The following CDH13 variants were observed in gnomAD, a reference collection of about 807,000 sequenced individuals.
CDH13 encodes the protein cadherin-13.
Under a neutral mutation model 63.8 loss-of-function variants are expected in CDH13, and 24 were observed. That is an observed-to-expected ratio of 0.38 (90% CI 0.27 to 0.53). CDH13 has a LOEUF of 0.53. Ranked by LOEUF, CDH13 falls within the 20% of genes least tolerant of loss-of-function variation. CDH13 has a pLI of 0.85. For missense variants in CDH13, 1,049 were observed against 903.1 expected, an observed-to-expected ratio of 1.16 and a Z score of -2.07; for synonymous variants, 503 against 355.3, an observed-to-expected ratio of 1.42 and a Z score of -4.67.
chr16:83,685,823 G>A (rs988333821), intron 10 of CDH13, among the ~76,000 whole-genome samples: 6 of 152,130 alleles, frequency 3.9e-5, no homozygotes, highest in Admixed American at 3.3e-4. Context: ...CCCTGCTTTC[G>A]TCCTGCCTGT....
intron 9 of CDH13, among the ~76,000 whole-genome samples, chr16:83,675,734 A>G (rs1914899232): frequency 6.6e-6 from 1 of 152,226 alleles, no homozygotes; most frequent in Admixed American, 6.5e-5. Context: ...ATGATGCATC[A>G]GGGCCAGGAC....
At chr16:83,367,893 A>T (rs953412946) in intron 6 of CDH13, among the ~76,000 whole-genome samples, 1 of 152,192 alleles carries the variant, frequency 6.6e-6, no homozygotes, top group Non-Finnish European at 1.5e-5. Context: ...TCAGCTTAAC[A>T]ATATTGAGTC....
At chr16:83,193,471 C>A (rs2038786914) in intron 4 of CDH13, among the ~76,000 whole-genome samples, 1 of 152,188 alleles carries the variant, frequency 6.6e-6, no homozygotes. Context: ...ATGGGGGTTA[C>A]AGACTCCGTT....
chr16:82,643,469 G>A (rs1168496099), intron 1 of CDH13, among the ~76,000 whole-genome samples: 1 of 152,200 alleles, frequency 6.6e-6, no homozygotes, highest in Non-Finnish European at 1.5e-5. Flanking sequence ...GTAGTTTCAG[G>A]ATTAAGACCC....
At chr16:83,674,166 C>G (rs1914757167) in intron 9 of CDH13, among the ~76,000 whole-genome samples, 1 of 152,176 alleles carries the variant, frequency 6.6e-6, no homozygotes, top group African/African-American at 2.4e-5. Flanking sequence ...GAATGTTAGA[C>G]TAATAGTGGC....
At chr16:83,481,572 A>T (rs1480584339) in intron 6 of CDH13, among the ~76,000 whole-genome samples, 2 of 152,180 alleles carry the variant, frequency 1.3e-5, no homozygotes, top group Non-Finnish European at 2.9e-5. Flanking sequence ...CTACCTGGCC[A>T]CAAGGAAGCG....
chr16:83,375,875 T>A (rs967383907), intron 6 of CDH13, among the ~76,000 whole-genome samples: 3 of 151,042 alleles, frequency 2.0e-5, no homozygotes, highest in Non-Finnish European at 1.5e-5. Flanking sequence ...TGGCAGGGAG[T>A]AGAAAGGGCT....
intron 4 of CDH13, among the ~76,000 whole-genome samples, chr16:83,131,495 C>T (rs1283820323): frequency 6.6e-6 from 1 of 152,054 alleles, no homozygotes; most frequent in Non-Finnish European, 1.5e-5. Context: ...ATGACTATTT[C>T]AAAATTTGGG....
chr16:83,309,016 A>T (rs896813281), intron 5 of CDH13, among the ~76,000 whole-genome samples: 1 of 152,126 alleles, frequency 6.6e-6, no homozygotes, highest in African/African-American at 2.4e-5. Flanking sequence ...GTCCTAAATC[A>T]TTCCCTTGTC....
intron 10 of CDH13, among the ~76,000 whole-genome samples, chr16:83,729,486 C>T (rs570942715): frequency 7.9e-5 from 12 of 152,098 alleles, no homozygotes; most frequent in African/African-American, 2.9e-4. Context: ...GATGTAAATC[C>T]CACTAGCCAG....
chr16:83,074,145 C>T (rs1044502339), intron 3 of CDH13, among the ~76,000 whole-genome samples: 3 of 152,308 alleles, frequency 2.0e-5, no homozygotes, highest in African/African-American at 7.2e-5. Flanking sequence ...CCCTCCCAGA[C>T]CGACAAACAT....
rs76485591 is a variant in CDH13, at chr16:82,672,573, C to T, written c.45+45436C>T. Among the ~76,000 whole-genome samples the T allele has an allele frequency of 4.4e-3, 676 of 152,170 alleles. 7 individuals are homozygous for T. The highest frequency in any genetic ancestry group is 0.015 in the African/African-American group (633 of 41,508). On this transcript the variant is annotated intron_variant, in intron 1 of 13. Transcript: ENST00000567109. The stretch of plus-strand genomic sequence containing the variant: ...TCCACTCTTCTCTGATCCTTTCGCA[C>T]CATATCATCCCCTACTGCTTCCCCA...
At chr16:83,146,338 A>G (rs1001246818) in intron 4 of CDH13, among the ~76,000 whole-genome samples, 4 of 152,366 alleles carry the variant, frequency 2.6e-5, no homozygotes, top group African/African-American at 7.2e-5. Context: ...CTCCATCACC[A>G]TGGCTTATGC....
intron 2 of CDH13, chr16:82,953,327 A>G (rs1277007654): frequency 6.6e-6 from 1 of 152,232 alleles, no homozygotes; most frequent in Non-Finnish European, 1.5e-5. Context: ...TATAGCAAAA[A>G]CAGATACACT....
chr16:82,860,383 G>T (rs2039887543), intron 2 of CDH13, among the ~76,000 whole-genome samples: 1 of 76,802 alleles, frequency 1.3e-5, no homozygotes, highest in African/African-American at 4.8e-5. Context: ...TTGTGTGTGT[G>T]TGTGTGGGGG....
intron 2 of CDH13, among the ~76,000 whole-genome samples, chr16:82,866,867 G>A (rs1452792722): frequency 6.6e-6 from 1 of 152,090 alleles, no homozygotes; most frequent in East Asian, 1.9e-4. Flanking sequence ...GCAGCATAGA[G>A]GAAACCACCT....
chr16:83,017,712 C>T (rs1311878821), intron 2 of CDH13, among the ~76,000 whole-genome samples: 1 of 152,110 alleles, frequency 6.6e-6, no homozygotes, highest in Non-Finnish European at 1.5e-5. Context: ...ACTATTAGCA[C>T]TATTAGGGTT....
chr16:83,167,031 C>T (rs1249922458), intron 4 of CDH13, among the ~76,000 whole-genome samples: 1 of 152,072 alleles, frequency 6.6e-6, no homozygotes, highest in Non-Finnish European at 1.5e-5. Context: ...TTGCAAGTTA[C>T]ATGAAAATAA....
At chr16:82,629,387 C>G (rs549287945) in intron 1 of CDH13, among the ~76,000 whole-genome samples, 6 of 152,148 alleles carry the variant, frequency 3.9e-5, no homozygotes, top group Non-Finnish European at 8.8e-5. Context: ...ATCCTGGTAG[C>G]AATAGTACCT....
Sources: allele counts gnomAD v4.1 joint callset (sites outside exome capture counted in the v4.1 genomes callset), GRCh38; gene constraint gnomAD v4.1.1; transcripts MANE v1.5; gene names NCBI Gene and HGNC (gene_info 2026-07-23, HGNC 2026-07-21).